FGF12: variants seen among roughly 807,000 people sequenced by gnomAD.
FGF12 encodes the protein fibroblast growth factor 12, also known as fibroblast growth factor 12B.
A neutral mutation model predicts 23.6 loss-of-function variants in FGF12; 14 were observed. The ratio of observed to expected loss-of-function variants is 0.59; its 90% CI spans 0.39 to 0.93. FGF12 has a LOEUF of 0.93. FGF12 is among the 40% of genes least tolerant of loss of function. The pLI is 0.00. For synonymous variants in FGF12, 62 were observed against 77.3 expected, an observed-to-expected ratio of 0.80 and a Z score of 1.04; for missense variants, 175 against 217.8, an observed-to-expected ratio of 0.80 and a Z score of 1.24.
intron 4 of FGF12, among the ~76,000 whole-genome samples, chr3:192,235,003 T>C (rs928382575): frequency 6.6e-6 from 1 of 152,134 alleles, no homozygotes; most frequent in Non-Finnish European, 1.5e-5. Flanking sequence ...TGAAGTTTTC[T>C]TTTTCCCTCG....
chr3:192,379,968 T>C (rs1011586204), intron 2 of FGF12, among the ~76,000 whole-genome samples: 17 of 152,184 alleles, frequency 1.1e-4, no homozygotes, highest in Admixed American at 3.9e-4. Context: ...TTGGATACCA[T>C]AAAGTACCCA....
chr3:192,593,538 G>T (rs1713715392), intron 2 of FGF12, among the ~76,000 whole-genome samples: 1 of 151,902 alleles, frequency 6.6e-6, no homozygotes, highest in African/African-American at 2.4e-5. Context: ...GCACTTTACA[G>T]ATACTCAATA....
intron 2 of FGF12, among the ~76,000 whole-genome samples, chr3:192,590,809 G>A (rs1713582341): frequency 6.6e-6 from 1 of 151,696 alleles, no homozygotes; most frequent in African/African-American, 2.4e-5. Flanking sequence ...TCTCAAAAGT[G>A]GCACCATCAA....
At position 192,196,088 on chromosome 3, in the gene FGF12, C is replaced by A. The variant is rs192354017; in HGVS notation, c.229-25432G>T. ...TCTATGAGTTTAGAGTTTATAGATT[C>A]TACATGAGTGCGATAATGTGGTATT... On this transcript the variant is annotated intron_variant, in intron 4 of 5. Transcript: ENST00000445105. Among the ~76,000 whole-genome samples the A allele has an allele frequency of 3.9e-5, 6 of 152,212 alleles. No homozygotes were observed. The East Asian group carries it at 1.2e-3, about 29-fold the overall frequency.
At chr3:192,209,793 T>A (rs1015273097) in intron 4 of FGF12, among the ~76,000 whole-genome samples, 1 of 152,214 alleles carries the variant, frequency 6.6e-6, no homozygotes, top group Non-Finnish European at 1.5e-5. Context: ...AAGGTTGAGC[T>A]ATCTGCCTCA....
At chr3:192,680,420 C>T (rs1717481237) in intron 2 of FGF12, among the ~76,000 whole-genome samples, 1 of 152,128 alleles carries the variant, frequency 6.6e-6, no homozygotes, top group African/African-American at 2.4e-5. Context: ...AGCAGGAAAG[C>T]AGGTGGTGGT....
intron 2 of FGF12, among the ~76,000 whole-genome samples, chr3:192,378,354 A>G (rs987665158): frequency 9.4e-5 from 14 of 149,528 alleles, no homozygotes; most frequent in Non-Finnish European, 1.5e-4. Flanking sequence ...CATGCCATCC[A>G]CCCACCTCAG....
rs112471571 is a variant in FGF12, at chr3:192,335,475, A to C, written c.125-11T>G. The C allele has an allele frequency of 1.9e-6, 3 of 1,558,888 alleles. No homozygotes were observed. In the African/African-American group the frequency reaches 4.1e-5, roughly 21 times the overall value. ...TTAGATTGAAGAGAGCTGGGGGGAG[A>C]AAAAGAAGGGCGGAAAGGATCAGTG... On this transcript the variant is annotated splice_polypyrimidine_tract_variant and intron_variant, in intron 3 of 5. Transcript: ENST00000445105.
intron 3 of FGF12, among the ~76,000 whole-genome samples, chr3:192,355,275 A>C (rs997097830): frequency 5.9e-5 from 9 of 152,386 alleles, no homozygotes; most frequent in South Asian, 4.1e-4. Context: ...TAAATTATCC[A>C]TTTAAATATG....
intron 2 of FGF12, among the ~76,000 whole-genome samples, chr3:192,557,876 A>G (rs535041445): frequency 3.9e-4 from 60 of 152,010 alleles, no homozygotes; most frequent in Non-Finnish European, 6.8e-4. Flanking sequence ...ACACTTTTTC[A>G]TTTAACAAAC....
intron 4 of FGF12, among the ~76,000 whole-genome samples, chr3:192,267,545 T>C (rs1424876601): frequency 6.6e-6 from 1 of 152,184 alleles, no homozygotes; most frequent in Non-Finnish European, 1.5e-5. Context: ...TATTTATATA[T>C]CTGTTTTTAT....
intron 2 of FGF12, chr3:192,516,641 C>T (rs771481379): frequency 1.3e-5 from 2 of 152,266 alleles, no homozygotes; most frequent in African/African-American, 2.4e-5. Flanking sequence ...TTCACACCCT[C>T]TTAGCTCCTT....
intron 2 of FGF12, among the ~76,000 whole-genome samples, chr3:192,558,867 A>G (rs1711898334): frequency 6.6e-6 from 1 of 152,014 alleles, no homozygotes; most frequent in Non-Finnish European, 1.5e-5. Context: ...TAGTCTCTTT[A>G]ACAAATAGTG....
intron 2 of FGF12, among the ~76,000 whole-genome samples, chr3:192,686,733 T>A (rs983306591): frequency 2.6e-5 from 4 of 151,124 alleles, no homozygotes; most frequent in African/African-American, 9.7e-5. Flanking sequence ...CTTAAGAATA[T>A]CTATATGTAA....
intron 4 of FGF12, among the ~76,000 whole-genome samples, chr3:192,260,399 G>T (rs1712674381): frequency 6.6e-6 from 1 of 152,134 alleles, no homozygotes; most frequent in Non-Finnish European, 1.5e-5. Flanking sequence ...CAGTGGCTAA[G>T]AAATCACACT....
intron 4 of FGF12, among the ~76,000 whole-genome samples, chr3:192,216,004 C>T (rs555370087): frequency 2.0e-5 from 3 of 152,212 alleles, no homozygotes; most frequent in Admixed American, 6.5e-5. Context: ...TGTACAAGCA[C>T]GTGAGTTTCT....
chr3:192,408,694 C>G lies in FGF12; in HGVS notation c.14-48156G>C. 1.0e-6 allele frequency: 1 copy of G among 989,674 alleles called. No individual in the cohort carries two copies. The highest frequency in any genetic ancestry group is 1.2e-6 in the Non-Finnish European group (1 of 833,040). 61.3% of individuals were successfully genotyped at this position (989,674 alleles called of 1,614,324 possible). A position where few individuals can be genotyped will look rare whatever the true frequency, so the allele number is the denominator to read the frequency against. On this transcript the variant is annotated intron_variant, in intron 2 of 5. Coordinates refer to ENST00000445105, the MANE Select transcript of FGF12 (RefSeq NM_004113.6). The surrounding 1 kb of genome is among the most constrained non-coding windows in gnomAD (Gnocchi z 7.3). ...TACCTACACATACATACATAGAAAA[C>G]CCGTTTACAAAGCAGAGTCTGGACC...
At chr3:192,717,875 T>C (rs1482878636) in intron 2 of FGF12, among the ~76,000 whole-genome samples, 1 of 152,204 alleles carries the variant, frequency 6.6e-6, no homozygotes, top group Non-Finnish European at 1.5e-5. Flanking sequence ...ATTCTTCGCA[T>C]AATCAAGAAA....
At chr3:192,321,879 C>A (rs759296482) in intron 4 of FGF12, among the ~76,000 whole-genome samples, 3 of 152,000 alleles carry the variant, frequency 2.0e-5, no homozygotes, top group Non-Finnish European at 2.9e-5. Flanking sequence ...CAAGGAAAAG[C>A]AGAAAGTCTT....
Sources: gnomAD v4.1 joint callset for allele counts (sites outside exome capture counted in the v4.1 genomes callset) on GRCh38, gnomAD v4.1.1 for gene constraint, Gnocchi (gnomAD v3.1) non-coding constraint, MANE v1.5 for transcripts, NCBI Gene and HGNC (gene_info 2026-07-23, HGNC 2026-07-21) for gene names.